LMNA: variants seen among roughly 807,000 people sequenced by gnomAD.
The protein encoded by LMNA is lamin.
A neutral mutation model predicts 70.4 loss-of-function variants in LMNA; 20 were observed. The ratio of observed to expected loss-of-function variants is 0.28; its 90% confidence interval spans 0.20 to 0.41. LMNA has a LOEUF of 0.41. LMNA is among the 10% of genes least tolerant of loss of function. LMNA has a pLI of 1.00. For missense variants in LMNA, 652 were observed against 917.2 expected, an observed-to-expected ratio of 0.71 and a Z score of 3.73; for synonymous variants, 339 against 372.8, an observed-to-expected ratio of 0.91 and a Z score of 1.04.
chr1:156,125,675 T>C (rs581342), intron 1 of LMNA, among the ~76,000 whole-genome samples: 31,905 of 151,408 alleles, frequency 0.21, 6,986 homozygotes, highest in African/African-American at 0.56. Context: ...GGCAACACAG[T>C]GAGACTCTGT....
rs1430934650 is a variant in LMNA at position 156,139,589 on chromosome 1, G to C, written c.*483G>C. 1.1e-6 allele frequency: 1 copy of C among 921,060 alleles called. No individual in the cohort carries two copies. The highest frequency in any genetic ancestry group is 1.4e-6 in the Non-Finnish European group (1 of 725,910). 57.1% of individuals were successfully genotyped at this position (921,060 alleles called of 1,614,324 possible). On this transcript the variant is annotated 3_prime_UTR_variant, in exon 12 of 12. Transcript: ENST00000368300. Reference sequence around the variant, plus strand: ...CACTGCCAGGCCAGCCTCCGAGAGGGAGAGAGAGAGAGAGAGGACAGCTTG... The same window carrying C: ...CACTGCCAGGCCAGCCTCCGAGAGGCAGAGAGAGAGAGAGAGGACAGCTTG...
rs78905395 is a variant in LMNA, at chr1:156,122,146, G to A, written c.356+6872G>A. ...TAATAAATAAATAAATAAGGGGCAA[G>A]GTAGTCCACCAACAAAATGACAGGC... On this transcript the variant is annotated intron_variant, in intron 1 of 11. Transcript: ENST00000368300. 5.3e-3 allele frequency among the ~76,000 whole-genome samples: 806 copies of A among 152,234 alleles called. 8 individuals are homozygous for A. The highest frequency in any genetic ancestry group is 0.019 in the African/African-American group (770 of 41,524).
rs746074130 is a variant in LMNA at position 156,126,232 on chromosome 1, G to A, written c.357-4385G>A. ...GGGAACTCTGAGGGCTGGTGAGCAGGGCTGCTGAGGAGTGGGTCTAAGGAG... is the reference window on the plus strand; with the variant it reads ...GGGAACTCTGAGGGCTGGTGAGCAGAGCTGCTGAGGAGTGGGTCTAAGGAG... On this transcript the variant is annotated intron_variant, in intron 1 of 11. Coordinates refer to ENST00000368300, the MANE Select transcript of LMNA (RefSeq NM_170707.4). 48 of 1,519,332 alleles carry A rather than the reference G, an allele frequency of 3.2e-5. No individual in the cohort carries two copies. Among genetic ancestry groups the A allele is most frequent in the Middle Eastern group, 3.4e-4 (2 of 5,962 alleles). 94.1% of individuals were successfully genotyped at this position (1,519,332 alleles called of 1,614,324 possible).
At chr1:156,086,483 T>C (rs1384250675) in intron 2 of LMNA, among the ~76,000 whole-genome samples, 1 of 151,874 alleles carries the variant, frequency 6.6e-6, no homozygotes, top group East Asian at 1.9e-4. Context: ...CAAAGGACCC[T>C]GTTGAGTTGT....
chr1:156,135,401 G>GTGGGGT lies in LMNA; in HGVS notation c.936+93_936+94insGTTGGG. On this transcript the variant is annotated intron_variant, in intron 5 of 11. Transcript: ENST00000368300. The surrounding 1 kb of genome is among the most constrained non-coding windows in gnomAD (Gnocchi z 4.8). The stretch of plus-strand genomic sequence containing the variant: ...CCCAGGGTTGGGGGTGGGGGTGGGG[G>GTGGGGT]TGGGAGGTTCCTGAGGAGGAGAGGG... 1.5e-6 allele frequency: 2 copies of GTGGGGT among 1,368,536 alleles called. No individual in the cohort carries two copies. Among genetic ancestry groups the GTGGGGT allele is most frequent in the Non-Finnish European group, 2.0e-6 (2 of 991,644 alleles). 84.8% of individuals were successfully genotyped at this position (1,368,536 alleles called of 1,614,324 possible). A position where few individuals can be genotyped will look rare whatever the true frequency, so the allele number is the denominator to read the frequency against.
intron 2 of LMNA, among the ~76,000 whole-genome samples, chr1:156,133,131 C>T (rs768952744): frequency 3.4e-4 from 52 of 151,890 alleles, no homozygotes; most frequent in Non-Finnish European, 6.3e-4. Context: ...TGAGCCACCA[C>T]GCCTGGCAAG....
At position 156,139,379 on chromosome 1, in the gene LMNA, A is replaced by G. The variant is rs1651926134; in HGVS notation, c.*273A>G. On this transcript the variant is annotated 3_prime_UTR_variant, in exon 12 of 12. Coordinates refer to ENST00000368300, the MANE Select transcript of LMNA (RefSeq NM_170707.4). ...CCCTTCCTTTTCCCTGCTTCCAGGAAACTCCACATCTGCCTTAAAACCAAA... is the reference window on the plus strand; with the variant it reads ...CCCTTCCTTTTCCCTGCTTCCAGGAGACTCCACATCTGCCTTAAAACCAAA... 1 of 1,385,450 alleles carries G rather than the reference A, an allele frequency of 7.2e-7. No homozygotes were observed. The highest frequency in any genetic ancestry group is 1.5e-5 in the African/African-American group (1 of 68,378). 85.8% of individuals were successfully genotyped at this position (1,385,450 alleles called of 1,614,324 possible).
At chr1:156,126,733 C>A (rs2102851791) in intron 1 of LMNA, 2 of 1,562,978 alleles carry the variant, frequency 1.3e-6, no homozygotes, top group South Asian at 1.2e-5. Context: ...TTTCTGAGAT[C>A]AGATTTGCCA....
chr1:156,116,233 C>A (rs1319687248), intron 1 of LMNA, among the ~76,000 whole-genome samples: 1 of 152,216 alleles, frequency 6.6e-6, no homozygotes, highest in Non-Finnish European at 1.5e-5. Context: ...CTCTTAGCTG[C>A]TGACGTTTTG....
At chr1:156,122,910 G>A (rs1296683085) in intron 1 of LMNA, among the ~76,000 whole-genome samples, 3 of 152,320 alleles carry the variant, frequency 2.0e-5, no homozygotes, top group African/African-American at 7.2e-5. Flanking sequence ...AAGAGTTTGG[G>A]AAGGGGAGTC....
chr1:156,095,140 G>A (rs1648886842), intron 3 of LMNA, among the ~76,000 whole-genome samples: 1 of 151,936 alleles, frequency 6.6e-6, no homozygotes, highest in Non-Finnish European at 1.5e-5. Flanking sequence ...TGTTGGCCAG[G>A]CTGGTCTTGA....
chr1:156,139,326 C>G lies in LMNA; in HGVS notation c.*220C>G. ...AGCAAAAAAAAAAAAAAGCATCTATCTCATCTATCTCAATCCTAATTTCTC... is the reference window on the plus strand; with the variant it reads ...AGCAAAAAAAAAAAAAAGCATCTATGTCATCTATCTCAATCCTAATTTCTC... On this transcript the variant is annotated 3_prime_UTR_variant, in exon 12 of 12. Coordinates refer to ENST00000368300, the MANE Select transcript of LMNA (RefSeq NM_170707.4). 7.1e-7 allele frequency: 1 copy of G among 1,412,946 alleles called. No individual in the cohort carries two copies. Among genetic ancestry groups the G allele is most frequent in the Non-Finnish European group, 9.2e-7 (1 of 1,089,122 alleles). 87.5% of individuals were successfully genotyped at this position (1,412,946 alleles called of 1,614,324 possible). A position where few individuals can be genotyped will look rare whatever the true frequency, so the allele number is the denominator to read the frequency against.
chr1:156,107,677 C>T (rs190154017), intron 3 of LMNA, among the ~76,000 whole-genome samples: 5 of 152,264 alleles, frequency 3.3e-5, no homozygotes, highest in African/African-American at 1.2e-4. Context: ...TCTAAGGGCC[C>T]GCTTCTCACC....
intron 3 of LMNA, among the ~76,000 whole-genome samples, chr1:156,094,755 A>G (rs1175117777): frequency 6.6e-6 from 1 of 151,240 alleles, no homozygotes; most frequent in East Asian, 2.0e-4. Flanking sequence ...GTTAGCACTT[A>G]GCTCCTAGTG....
chr1:156,139,612 T>C lies in LMNA; in HGVS notation c.*506T>C. The stretch of plus-strand genomic sequence containing the variant: ...GGGAGAGAGAGAGAGAGAGGACAGC[T>C]TGAGCCGGGCCCCTGGGCTTGGCCT... On this transcript the variant is annotated 3_prime_UTR_variant, in exon 12 of 12. Coordinates refer to ENST00000368300, the MANE Select transcript of LMNA (RefSeq NM_170707.4). 7.0e-7 allele frequency: 1 copy of C among 1,425,316 alleles called. No individual in the cohort carries two copies. Among genetic ancestry groups the C allele is most frequent in the East Asian group, 2.8e-5 (1 of 36,244 alleles). The allele number at this position is 1,425,316 out of a possible 1,614,324, so 88.3% of individuals were successfully genotyped here.
upstream of LMNA, among the ~76,000 whole-genome samples, chr1:156,109,295 T>C (rs1229555131): frequency 6.6e-6 from 1 of 152,196 alleles, no homozygotes; most frequent in Non-Finnish European, 1.5e-5. Flanking sequence ...CTCCTGACTC[T>C]TTCTTCACTG....
At chr1:156,127,071 C>A in intron 1 of LMNA, 1 of 713,270 alleles carries the variant, frequency 1.4e-6, no homozygotes, top group Non-Finnish European at 2.3e-6. Flanking sequence ...TCAGCGTGTG[C>A]TCAGCTTTCC....
intron 3 of LMNA, among the ~76,000 whole-genome samples, chr1:156,100,952 C>G (rs1209897259): frequency 6.6e-6 from 1 of 152,230 alleles, no homozygotes; most frequent in East Asian, 1.9e-4. Context: ...TTAGCTGAGC[C>G]TGGATGATGA....
chr1:156,089,589 G>A (rs950690461), intron 2 of LMNA, among the ~76,000 whole-genome samples: 5 of 105,598 alleles, frequency 4.7e-5, no homozygotes, highest in East Asian at 2.7e-4. Flanking sequence ...GCCAAACTCC[G>A]TCTAAAAAAA....
Sources: allele counts gnomAD v4.1 joint callset (sites outside exome capture counted in the v4.1 genomes callset), GRCh38; gene constraint gnomAD v4.1.1; non-coding constraint Gnocchi (gnomAD v3.1); transcripts MANE v1.5; gene names NCBI Gene and HGNC (gene_info 2026-07-23, HGNC 2026-07-21).